Variants in CHRDL1 observed in about 807,000 individuals in gnomAD.
The protein encoded by CHRDL1 is chordin-like protein 1.
A neutral mutation model predicts 40.9 loss-of-function variants in CHRDL1; 19 were observed. That is an observed-to-expected ratio of 0.46 (90% CI 0.32 to 0.68). The LOEUF is 0.68. Among genes scored for constraint, CHRDL1 ranks in the 30% least tolerant of loss-of-function variants. The pLI is 0.03. For synonymous variants in CHRDL1, 136 were observed against 123.4 expected (o/e 1.10, Z -0.68); for missense variants, 329 against 352.1 (o/e 0.93, Z 0.53).
chrX:110,691,356 T>G (rs2070273916), intron 8 of CHRDL1, among the ~76,000 whole-genome samples: 1 of 109,731 alleles, frequency 9.1e-6, no homozygotes, highest in African/African-American at 3.3e-5. Context: ...GGAGCTAGGC[T>G]CCAAGATAAC....
intron 10 of CHRDL1, among the ~76,000 whole-genome samples, chrX:110,680,030 A>G (rs191542796): frequency 1.2e-4 from 13 of 112,135 alleles, no homozygotes; most frequent in African/African-American, 3.9e-4. Context: ...TTTTATCACA[A>G]TAACAGGTAG....
chrX:110,788,402 C>A (rs1257285834), intron 2 of CHRDL1, among the ~76,000 whole-genome samples: 1 of 111,671 alleles, frequency 9.0e-6, no homozygotes, highest in African/African-American at 3.3e-5. Context: ...ATGGCATCCC[C>A]CGTCATTCCC....
intron 6 of CHRDL1, among the ~76,000 whole-genome samples, chrX:110,710,890 G>C (rs915188586): frequency 1.8e-5 from 2 of 111,329 alleles, no homozygotes; most frequent in African/African-American, 6.5e-5. Flanking sequence ...GAAAATATCA[G>C]AGTATATCAA....
intron 2 of CHRDL1, among the ~76,000 whole-genome samples, chrX:110,770,865 G>T (rs1296712879): frequency 8.9e-6 from 1 of 112,016 alleles, no homozygotes; most frequent in African/African-American, 3.2e-5. Flanking sequence ...ATTAACCTGA[G>T]ACTGGGCGTG....
At chrX:110,703,348 G>A (rs1047658945) in intron 6 of CHRDL1, among the ~76,000 whole-genome samples, 2 of 112,015 alleles carry the variant, frequency 1.8e-5, no homozygotes, top group African/African-American at 6.5e-5. Flanking sequence ...TAAGTGCTTG[G>A]TCAATAGTAT....
At chrX:110,754,865 A>T (rs2089425322) in intron 4 of CHRDL1, among the ~76,000 whole-genome samples, 1 of 110,719 alleles carries the variant, frequency 9.0e-6, no homozygotes, top group Admixed American at 9.7e-5. Context: ...GACCATTTTA[A>T]AAAGCCCTCT....
intron 11 of CHRDL1, among the ~76,000 whole-genome samples, chrX:110,676,925 C>G (rs1406272993): frequency 1.8e-5 from 2 of 111,036 alleles, no homozygotes; most frequent in African/African-American, 6.6e-5. Flanking sequence ...CCTTATACCC[C>G]CTTAGCACCC....
intron 4 of CHRDL1, among the ~76,000 whole-genome samples, chrX:110,723,347 C>T (rs1443927785): frequency 1.8e-5 from 2 of 111,067 alleles, no homozygotes; most frequent in Non-Finnish European, 3.8e-5. Context: ...TAATAACATC[C>T]ATAATAATAA....
chrX:110,776,928 C>T (rs185591712), intron 2 of CHRDL1, among the ~76,000 whole-genome samples: 1 of 111,236 alleles, frequency 9.0e-6, no homozygotes, highest in African/African-American at 3.3e-5. Flanking sequence ...TATATAATGA[C>T]ATGTATCCAC....
At chrX:110,771,275 A>G (rs991841119) in intron 2 of CHRDL1, among the ~76,000 whole-genome samples, 1 of 111,980 alleles carries the variant, frequency 8.9e-6, no homozygotes, top group African/African-American at 3.2e-5. Flanking sequence ...TCTATCAAAC[A>G]TTCTACCAAA....
At chrX:110,792,894 G>T (rs1014743333) in intron 1 of CHRDL1, among the ~76,000 whole-genome samples, 1 of 112,244 alleles carries the variant, frequency 8.9e-6, no homozygotes, top group Admixed American at 9.4e-5. Flanking sequence ...AGGGGAAATT[G>T]GGCAAATTAA....
At chrX:110,720,523 G>T (rs1014422596) in intron 5 of CHRDL1, among the ~76,000 whole-genome samples, 9 of 111,771 alleles carry the variant, frequency 8.1e-5, no homozygotes, top group African/African-American at 2.9e-4. Flanking sequence ...CTTAAACCTT[G>T]TTCTTAGTTC....
chrX:110,760,643 G>A (rs1420203672), intron 3 of CHRDL1, among the ~76,000 whole-genome samples: 3 of 111,674 alleles, frequency 2.7e-5, no homozygotes, highest in Non-Finnish European at 5.6e-5. Flanking sequence ...GAAATGTGTC[G>A]CGTCAAGAAT....
intron 2 of CHRDL1, among the ~76,000 whole-genome samples, chrX:110,786,976 A>G (rs1246404765): frequency 2.7e-5 from 3 of 111,848 alleles, no homozygotes; most frequent in Non-Finnish European, 5.6e-5. Flanking sequence ...CAAGAGGCAG[A>G]TGGGTATAGT....
intron 2 of CHRDL1, among the ~76,000 whole-genome samples, chrX:110,766,219 TAACCCTA>T (rs2089658275): frequency 9.0e-6 from 1 of 111,305 alleles, no homozygotes; most frequent in Non-Finnish European, 1.9e-5. Flanking sequence ...GGAAAGTGCA[TAACCCTA>T]AACACCTACA....
At chrX:110,701,375 G>C (rs999945452) in intron 6 of CHRDL1, among the ~76,000 whole-genome samples, 3 of 111,802 alleles carry the variant, frequency 2.7e-5, no homozygotes, top group Non-Finnish European at 5.6e-5. Context: ...AGAGATGTTT[G>C]CATCACTTGA....
chrX:110,710,616 C>G (rs555108503), intron 6 of CHRDL1, among the ~76,000 whole-genome samples: 1 of 111,569 alleles, frequency 9.0e-6, no homozygotes, highest in Middle Eastern at 4.7e-3. Context: ...ACGTAAGAAA[C>G]ATGCCAAGAA....
intron 4 of CHRDL1, among the ~76,000 whole-genome samples, chrX:110,735,831 C>G (rs1357374732): frequency 8.9e-6 from 1 of 112,055 alleles, no homozygotes; most frequent in Non-Finnish European, 1.9e-5. Flanking sequence ...TTTTGAAAAA[C>G]TATTCTGAGA....
At chrX:110,790,959 A>G (rs1408805359) in intron 2 of CHRDL1, among the ~76,000 whole-genome samples, 1 of 107,193 alleles carries the variant, frequency 9.3e-6, no homozygotes, top group Non-Finnish European at 1.9e-5. Context: ...CAAAAACACT[A>G]TTAAACACTG....
Sources: gnomAD v4.1 joint callset for allele counts (sites outside exome capture counted in the v4.1 genomes callset) on GRCh38, gnomAD v4.1.1 for gene constraint, MANE v1.5 for transcripts, NCBI Gene and HGNC (gene_info 2026-07-23, HGNC 2026-07-21) for gene names.